CFAP61: variants seen among roughly 807,000 people sequenced by gnomAD.
The protein encoded by CFAP61 is cilia- and flagella-associated protein 61.
In CFAP61, 107 loss-of-function variants were observed where a neutral mutation model predicts 135.6. That is an observed-to-expected ratio of 0.79 (90% CI 0.67 to 0.93). The LOEUF (loss-of-function observed/expected upper bound fraction) is 0.93. Ranked by LOEUF, CFAP61 falls within the 40% of genes least tolerant of loss-of-function variation. The pLI is 0.00. For synonymous variants in CFAP61, 575 were observed against 578.5 expected, an observed-to-expected ratio of 0.99 and a Z score of 0.09; for missense variants, 1,507 against 1,556.2, an observed-to-expected ratio of 0.97 and a Z score of 0.53.
At chr20:20,146,742 G>A (rs1001138945) in intron 9 of CFAP61, among the ~76,000 whole-genome samples, 1 of 152,188 alleles carries the variant, frequency 6.6e-6, no homozygotes, top group Non-Finnish European at 1.5e-5. Context: ...GTTGTACAAT[G>A]TCAGATGAAG....
intron 22 of CFAP61, among the ~76,000 whole-genome samples, chr20:20,277,888 C>A (rs1374731950): frequency 6.6e-6 from 1 of 152,174 alleles, no homozygotes; most frequent in African/African-American, 2.4e-5. Flanking sequence ...CTTCATGGGA[C>A]TGGCTTCCTC....
intron 25 of CFAP61, among the ~76,000 whole-genome samples, chr20:20,325,253 G>C (rs1384099728): frequency 1.3e-5 from 2 of 152,182 alleles, no homozygotes; most frequent in Non-Finnish European, 2.9e-5. Flanking sequence ...AAAGTTCATA[G>C]TTTACATTAG....
rs772020150 is a variant in CFAP61, at chr20:20,075,563, C to T, written c.514C>T (p.His172Tyr). The T allele has an allele frequency of 2.5e-6, 4 of 1,614,136 alleles. No individual in the cohort carries two copies. The highest frequency in any genetic ancestry group is 2.2e-5 in the South Asian group (2 of 91,084). ...CLTYEEDFAV[H>Y]ICHRHSHYPQ... ...GACGTATGAGGAAGACTTTGCAGTG[C>T]ATATATGTCACAGGCACAGCCACTA... Residue 172 changes from histidine to tyrosine, a missense_variant, in exon 6 of 27, where the codon CAT becomes TAT. His to Tyr is a moderately conservative substitution (Grantham distance 83). Coordinates refer to ENST00000245957, the MANE Select transcript of CFAP61 (RefSeq NM_015585.4).
At chr20:20,066,641 C>T (rs2045293145) in intron 2 of CFAP61, among the ~76,000 whole-genome samples, 1 of 151,886 alleles carries the variant, frequency 6.6e-6, no homozygotes, top group Non-Finnish European at 1.5e-5. Context: ...AACACATGGA[C>T]ACAGGGAGGG....
intron 13 of CFAP61, among the ~76,000 whole-genome samples, chr20:20,176,510 G>A (rs2054636856): frequency 6.6e-6 from 1 of 152,176 alleles, no homozygotes; most frequent in Admixed American, 6.5e-5. Flanking sequence ...ATGATACCAT[G>A]GAATACTATG....
intron 24 of CFAP61, among the ~76,000 whole-genome samples, chr20:20,295,473 C>T (rs2055352373): frequency 6.6e-6 from 1 of 152,144 alleles, no homozygotes; most frequent in Non-Finnish European, 1.5e-5. Flanking sequence ...AGCCACCCCT[C>T]CTCAGAACTC....
At chr20:20,063,523 C>A (rs114572447) in intron 2 of CFAP61, among the ~76,000 whole-genome samples, 251 of 152,178 alleles carry the variant, frequency 1.6e-3, no homozygotes, top group African/African-American at 5.7e-3. Flanking sequence ...TAAACAGAGA[C>A]AAAATCATTC....
chr20:20,118,172 G>A (rs1267071077), intron 8 of CFAP61, among the ~76,000 whole-genome samples: 3 of 152,032 alleles, frequency 2.0e-5, no homozygotes, highest in African/African-American at 7.2e-5. Context: ...AGATCTTAGA[G>A]GAAAGTCTTG....
At chr20:20,144,320 G>A (rs2051677450) in intron 9 of CFAP61, among the ~76,000 whole-genome samples, 1 of 152,070 alleles carries the variant, frequency 6.6e-6, no homozygotes, top group Admixed American at 6.5e-5. Context: ...AAAAACATTA[G>A]AACAGTTATC....
At chr20:20,154,326 A>C (rs1463456027) in intron 9 of CFAP61, among the ~76,000 whole-genome samples, 1 of 152,148 alleles carries the variant, frequency 6.6e-6, no homozygotes, top group Non-Finnish European at 1.5e-5. Flanking sequence ...CACCACTTTT[A>C]TTCAACATAG....
chr20:20,196,772 G>A lies in CFAP61; in HGVS notation c.1793G>A (p.Gly598Asp), dbSNP rs1295608072. The A allele has an allele frequency of 2.5e-6, 4 of 1,613,782 alleles. No individual in the cohort carries two copies. Among genetic ancestry groups the A allele is most frequent in the Admixed American group, 1.7e-5 (1 of 60,022 alleles). ...YYRVYPKSRE[G>D]KFQNPYAHSL... Reference sequence around the variant, plus strand: ...CGTGTTTACCCAAAATCCAGAGAAGGCAAGGTAAGAGAATGGTGCAATTCA... The same window carrying A: ...CGTGTTTACCCAAAATCCAGAGAAGACAAGGTAAGAGAATGGTGCAATTCA... Residue 598 changes from glycine (G) to aspartate (D), a missense_variant, in exon 16 of 27, where the codon GGC becomes GAC. Gly to Asp is a moderately conservative substitution (Grantham distance 94). Transcript: ENST00000245957.
At chr20:20,151,562 C>T (rs930562957) in intron 9 of CFAP61, among the ~76,000 whole-genome samples, 2 of 152,060 alleles carry the variant, frequency 1.3e-5, no homozygotes, top group Non-Finnish European at 2.9e-5. Context: ...TTCAGTGGCT[C>T]ATACCTGTAA....
intron 8 of CFAP61, among the ~76,000 whole-genome samples, chr20:20,141,722 T>C (rs557980450): frequency 5.3e-5 from 8 of 152,184 alleles, no homozygotes; most frequent in African/African-American, 1.7e-4. Flanking sequence ...TTGAGAGGCA[T>C]CTGCAGGGGC....
At chr20:20,078,761 A>T (rs79048855) in intron 6 of CFAP61, among the ~76,000 whole-genome samples, 2,650 of 152,288 alleles carry the variant, frequency 0.017, 80 homozygotes, top group African/African-American at 0.06. Flanking sequence ...GTGGCAAAAG[A>T]TGCAGGGAAA....
chr20:20,091,349 AT>A lies in CFAP61; in HGVS notation c.699+381del, dbSNP rs572296197. Among the ~76,000 whole-genome samples the A allele has an allele frequency of 9.5e-4, 145 of 152,048 alleles. 1 individual carries two copies. Among genetic ancestry groups the A allele is most frequent in the African/African-American group, 3.4e-3 (139 of 41,468 alleles). On this transcript the variant is annotated intron_variant, in intron 7 of 26. Transcript: ENST00000245957. ...TGGATTTTGTTTGAGTTGGAAAGGT[AT>A]TTTTTTTAACTTTTTGTTTTGACAT...
Position 20,343,296 on chromosome 20 carries a change from C to G in CFAP61, c.3513+1375C>G, listed in dbSNP as rs919012689. Among the ~76,000 whole-genome samples, 5 of 152,240 alleles carry G rather than the reference C, an allele frequency of 3.3e-5. No individual in the cohort carries two copies. In the South Asian group the frequency reaches 1.0e-3, roughly 32 times the overall value. On this transcript the variant is annotated intron_variant, in intron 26 of 26. Transcript: ENST00000245957. ...CCTGGGACCTTCTCCTCAGTGCCCC[C>G]ACTTTTCAGTTTCACTCCCAGGGTC...
intron 17 of CFAP61, among the ~76,000 whole-genome samples, chr20:20,222,240 G>A (rs2048452534): frequency 6.6e-6 from 1 of 152,164 alleles, no homozygotes; most frequent in Non-Finnish European, 1.5e-5. Flanking sequence ...TTAAAAACAT[G>A]CAAAATAATG....
chr20:20,263,258 T>C (rs757397678), intron 21 of CFAP61, 128 bp downstream of exon 21: 2 of 625,554 alleles, frequency 3.2e-6, no homozygotes, highest in Non-Finnish European at 4.8e-6. Flanking sequence ...TCATCTGTCA[T>C]GCTTTGTTTT....
intron 18 of CFAP61, among the ~76,000 whole-genome samples, chr20:20,239,688 G>T (rs2049868901): frequency 6.6e-6 from 1 of 152,170 alleles, no homozygotes; most frequent in South Asian, 2.1e-4. Flanking sequence ...GTGGCACTGA[G>T]GCAGTCCGAC....
Sources: gnomAD v4.1 joint callset for allele counts (sites outside exome capture counted in the v4.1 genomes callset) on GRCh38, gnomAD v4.1.1 for gene constraint, MANE v1.5 for transcripts, NCBI Gene and HGNC (gene_info 2026-07-23, HGNC 2026-07-21) for gene names.